Variants in TBL1XR1 observed in about 807,000 individuals in gnomAD.
The protein encoded by TBL1XR1 is F-box-like/WD repeat-containing protein TBL1XR1.
Under a neutral mutation model 66.9 loss-of-function variants are expected in TBL1XR1, and 5 were observed. That is an observed-to-expected ratio of 0.07 (90% confidence interval 0.04 to 0.16). TBL1XR1 has a LOEUF of 0.16. Among genes scored for constraint, TBL1XR1 ranks in the 10% least tolerant of loss-of-function variants. The pLI is 1.00. For synonymous variants in TBL1XR1, 210 were observed against 206.0 expected (o/e 1.02, Z -0.17); for missense variants, 238 against 623.2 (o/e 0.38, Z 6.58).
chr3:177,135,312 T>TGTGTGTGTGG, intron 1 of TBL1XR1, among the ~76,000 whole-genome samples: 1 of 78,350 alleles, frequency 1.3e-5, no homozygotes, highest in African/African-American at 4.7e-5. Context: ...GCACTCTGTG[T>TGTGTGTGTGG]GTGTGTGTGT....
chr3:177,050,456 A>T (rs771911235), intron 6 of TBL1XR1, 22 bp downstream of exon 6: 1 of 1,611,774 alleles, frequency 6.2e-7, no homozygotes, highest in Admixed American at 1.7e-5. Context: ...AAGTCATTTT[A>T]GTATCACTTT....
chr3:177,175,843 G>A (rs1197085816), intron 1 of TBL1XR1, among the ~76,000 whole-genome samples: 1 of 152,094 alleles, frequency 6.6e-6, no homozygotes, highest in East Asian at 1.9e-4. Flanking sequence ...CGGATCTCGA[G>A]GTCAGGAGAT....
At chr3:177,068,950 CTAAAGTA>C (rs1719515913) in intron 2 of TBL1XR1, among the ~76,000 whole-genome samples, 1 of 152,160 alleles carries the variant, frequency 6.6e-6, no homozygotes, top group South Asian at 2.1e-4. Context: ...TAGTCCAAAA[CTAAAGTA>C]TAATTATAAC....
chr3:177,090,901 A>C (rs1185807067), intron 2 of TBL1XR1, among the ~76,000 whole-genome samples: 1 of 152,170 alleles, frequency 6.6e-6, no homozygotes, highest in Non-Finnish European at 1.5e-5. Context: ...AGGTGGGAGA[A>C]TCGATTGAGC....
chr3:177,104,435 T>G (rs1293219644), intron 1 of TBL1XR1, among the ~76,000 whole-genome samples: 1 of 152,174 alleles, frequency 6.6e-6, no homozygotes, highest in Non-Finnish European at 1.5e-5. Flanking sequence ...CATTACATCC[T>G]CCACTGTCCT....
chr3:177,051,468 C>A (rs775205418), intron 5 of TBL1XR1, 36 bp downstream of exon 5: 2 of 1,541,854 alleles, frequency 1.3e-6, no homozygotes, highest in South Asian at 1.2e-5. Context: ...AATAAATAAA[C>A]CATGTAATTA....
At chr3:177,072,616 A>C (rs1720173129) in intron 2 of TBL1XR1, among the ~76,000 whole-genome samples, 1 of 152,228 alleles carries the variant, frequency 6.6e-6, no homozygotes, top group South Asian at 2.1e-4. Context: ...CTTCCGTTGC[A>C]TACTAAAATG....
intron 1 of TBL1XR1, among the ~76,000 whole-genome samples, chr3:177,148,446 T>G (rs1397745977): frequency 6.6e-6 from 1 of 152,232 alleles, no homozygotes; most frequent in Non-Finnish European, 1.5e-5. Flanking sequence ...TCAGGCACAG[T>G]GGCTCACGCC....
intron 4 of TBL1XR1, 94 bp from the exon 5 acceptor site, chr3:177,051,820 G>T (rs1881979): frequency 1.7e-5 from 24 of 1,372,764 alleles, no homozygotes; most frequent in African/African-American, 3.0e-5. Context: ...GAAAATCTTC[G>T]TTCCTAAAAA....
chr3:177,027,936 A>T (rs1163730065), intron 14 of TBL1XR1: 3 of 152,200 alleles, frequency 2.0e-5, no homozygotes, highest in African/African-American at 7.2e-5. Context: ...TAAAAAATAA[A>T]ATCTACAGTC....
At chr3:177,171,068 C>A (rs578242962) in intron 1 of TBL1XR1, among the ~76,000 whole-genome samples, 4 of 151,992 alleles carry the variant, frequency 2.6e-5, no homozygotes, top group African/African-American at 9.7e-5. Flanking sequence ...AATCCAGGCG[C>A]GGTGGCTCAC....
intron 10 of TBL1XR1, among the ~76,000 whole-genome samples, chr3:177,038,811 C>T (rs186722750): frequency 4.6e-5 from 7 of 152,216 alleles, no homozygotes; most frequent in African/African-American, 1.4e-4. Context: ...CAAGAAGCCT[C>T]GGTTCTGTCA....
intron 1 of TBL1XR1, among the ~76,000 whole-genome samples, chr3:177,107,036 G>C (rs1283970184): frequency 6.6e-6 from 1 of 152,002 alleles, no homozygotes; most frequent in Non-Finnish European, 1.5e-5. Context: ...AAATGAAGCA[G>C]TTCTTCAAAC....
chr3:177,082,115 ATCAG>A (rs1721468005), intron 2 of TBL1XR1, among the ~76,000 whole-genome samples: 1 of 152,200 alleles, frequency 6.6e-6, no homozygotes, highest in Admixed American at 6.5e-5. Context: ...TTTTTTAGGT[ATCAG>A]TAATATAGAA....
intron 1 of TBL1XR1, among the ~76,000 whole-genome samples, chr3:177,108,810 T>G (rs1725198955): frequency 6.6e-6 from 1 of 152,252 alleles, no homozygotes; most frequent in Admixed American, 6.5e-5. Context: ...CTGGGCTAGC[T>G]GAGACTGGTC....
At chr3:177,090,298 T>C (rs961548576) in intron 2 of TBL1XR1, among the ~76,000 whole-genome samples, 5 of 152,068 alleles carry the variant, frequency 3.3e-5, no homozygotes, top group Non-Finnish European at 5.9e-5. Flanking sequence ...TGTATCTCAC[T>C]TTGAAGTGAT....
chr3:177,070,853 AAAT>A (rs1311491666), intron 2 of TBL1XR1, among the ~76,000 whole-genome samples: 1 of 151,846 alleles, frequency 6.6e-6, no homozygotes, highest in Non-Finnish European at 1.5e-5. Context: ...CTCAAAAAAA[AAAT>A]AAATAAATAA....
intron 12 of TBL1XR1, 58 bp from the exon 13 acceptor site, chr3:177,034,383 A>G: frequency 7.8e-7 from 1 of 1,280,022 alleles, no homozygotes. Flanking sequence ...TATATTTAAA[A>G]TATTATTTTG....
intron 3 of TBL1XR1, among the ~76,000 whole-genome samples, chr3:177,058,465 C>A (rs1214569039): frequency 1.3e-5 from 2 of 152,286 alleles, no homozygotes; most frequent in African/African-American, 2.4e-5. Flanking sequence ...ATAATACTTT[C>A]TGAAATAATT....
Sources: allele counts gnomAD v4.1 joint callset (sites outside exome capture counted in the v4.1 genomes callset), GRCh38; gene constraint gnomAD v4.1.1; transcripts MANE v1.5; gene names NCBI Gene and HGNC (gene_info 2026-07-23, HGNC 2026-07-21).